The following LRRTM3 variants were observed in gnomAD, a reference collection of about 807,000 sequenced individuals.
The protein encoded by LRRTM3 is leucine-rich repeat transmembrane neuronal protein 3.
Under a neutral mutation model 44.7 loss-of-function variants are expected in LRRTM3, and 24 were observed. The ratio of observed to expected loss-of-function variants is 0.54; its 90% CI spans 0.39 to 0.76. The LOEUF (loss-of-function observed/expected upper bound fraction) is 0.76, where lower values mean the gene tolerates loss of function less well. LRRTM3 is among the 30% of genes least tolerant of loss of function. The probability of loss-of-function intolerance (pLI) is 0.00; values close to 1 mark genes in which losing one functional copy is unlikely to be tolerated. For synonymous variants in LRRTM3, 277 were observed against 278.7 expected, an observed-to-expected ratio of 0.99 and a Z score of 0.06; for missense variants, 587 against 702.2, an observed-to-expected ratio of 0.84 and a Z score of 1.85.
intron 2 of LRRTM3, among the ~76,000 whole-genome samples, chr10:66,953,392 G>T (rs1848636326): frequency 6.6e-6 from 1 of 152,152 alleles, no homozygotes; most frequent in Non-Finnish European, 1.5e-5. Context: ...AGTTGAAAAT[G>T]AATACATGAA....
rs1374432134 is a variant in LRRTM3, at chr10:67,098,450, T to C, written c.*654T>C. On this transcript the variant is annotated 3_prime_UTR_variant, in exon 3 of 3. Transcript: ENST00000361320. The stretch of plus-strand genomic sequence containing the variant: ...GAGGTTCTTCAATTACATAGGCAGG[T>C]TTTTCTTAAAAATGAAAAAAAAATC... 1 of 152,236 alleles carries C rather than the reference T, an allele frequency of 6.6e-6. No individual in the cohort carries two copies. The highest frequency in any genetic ancestry group is 2.4e-5 in the African/African-American group (1 of 41,372). The allele number at this position is 152,236 out of a possible 1,614,324, so 9.4% of individuals were successfully genotyped here.
chr10:67,072,251 A>C (rs545967401), intron 2 of LRRTM3, among the ~76,000 whole-genome samples: 1 of 152,050 alleles, frequency 6.6e-6, no homozygotes, highest in East Asian at 1.9e-4. Flanking sequence ...ACCATGCCCA[A>C]CCTGTTTGAT....
At chr10:66,981,847 C>T (rs1297974181) in intron 2 of LRRTM3, among the ~76,000 whole-genome samples, 1 of 152,180 alleles carries the variant, frequency 6.6e-6, no homozygotes, top group Admixed American at 6.5e-5. Context: ...CATCTTCCTG[C>T]TGCTGCAGTG....
Position 66,976,581 on chromosome 10 carries a change from C to T in LRRTM3, c.1536+48129C>T, listed in dbSNP as rs536526618. The stretch of plus-strand genomic sequence containing the variant: ...TCTTCCTAAAAATCTACAGTGACTT[C>T]CCTAAAGAAAAATGGTCATATTCCC... On this transcript the variant is annotated intron_variant, in intron 2 of 2. Coordinates refer to ENST00000361320, the MANE Select transcript of LRRTM3 (RefSeq NM_178011.5). 1.7e-4 allele frequency among the ~76,000 whole-genome samples: 26 copies of T among 152,284 alleles called. 1 individual carries two copies. In the South Asian group the frequency reaches 5.2e-3, roughly 30 times the overall value.
chr10:66,937,778 G>A (rs1403450502), intron 2 of LRRTM3, among the ~76,000 whole-genome samples: 1 of 152,100 alleles, frequency 6.6e-6, no homozygotes, highest in Non-Finnish European at 1.5e-5. Context: ...TCCTTTGTGA[G>A]AAATGCCCTT....
At chr10:66,937,286 T>A (rs916712949) in intron 2 of LRRTM3, among the ~76,000 whole-genome samples, 1 of 152,156 alleles carries the variant, frequency 6.6e-6, no homozygotes, top group African/African-American at 2.4e-5. Flanking sequence ...GTAGTTATCA[T>A]GGGATTGTTG....
chr10:66,935,287 C>G (rs1395268074), intron 2 of LRRTM3, among the ~76,000 whole-genome samples: 2 of 152,012 alleles, frequency 1.3e-5, no homozygotes, highest in Non-Finnish European at 2.9e-5. Flanking sequence ...AAGATTACAA[C>G]AGTGAAACCT....
chr10:66,983,690 C>A (rs1450878395), intron 2 of LRRTM3, among the ~76,000 whole-genome samples: 1 of 152,154 alleles, frequency 6.6e-6, no homozygotes, highest in East Asian at 1.9e-4. Context: ...TGGAGGGAGG[C>A]ATAGATAGTT....
At chr10:67,080,093 C>T (rs1856972904) in intron 2 of LRRTM3, among the ~76,000 whole-genome samples, 1 of 152,056 alleles carries the variant, frequency 6.6e-6, no homozygotes, top group Non-Finnish European at 1.5e-5. Flanking sequence ...GCAGGGAGGG[C>T]ATGGCAAGAA....
In LRRTM3 at chr10:67,097,711, T is replaced by A. The variant is rs1858094415; in HGVS notation, c.1661T>A (p.Met554Lys). 1 of 1,612,586 alleles carries A rather than the reference T, an allele frequency of 6.2e-7. No individual in the cohort carries two copies. The highest frequency in any genetic ancestry group is 1.7e-5 in the Admixed American group (1 of 59,824). ...GAAACGAATGCACAGGAAGATACGA[T>A]GGAAACACACCTAGAGACTGAGCTG... Reference protein sequence around the residue: ...SFETNAQEDTMETHLETELDL... With the variant: ...SFETNAQEDTKETHLETELDL... The change falls in exon 3 of 3, where the codon ATG becomes AAG. Residue 554 changes from methionine to lysine, a missense_variant. Around this residue, in one of 3 missense-constraint regions of LRRTM3, gnomAD observed 315 missense variants for 335.6 expected, o/e 0.94. Transcript: ENST00000361320.
At chr10:66,959,508 G>C (rs1329144995) in intron 2 of LRRTM3, among the ~76,000 whole-genome samples, 2 of 152,164 alleles carry the variant, frequency 1.3e-5, no homozygotes, top group Non-Finnish European at 2.9e-5. Flanking sequence ...TCAGTCCCCT[G>C]AGTTCTAAGG....
chr10:66,977,434 CAA>C (rs11368044), intron 2 of LRRTM3, among the ~76,000 whole-genome samples: 264 of 144,980 alleles, frequency 1.8e-3, no homozygotes, highest in Middle Eastern at 3.4e-3. Flanking sequence ...AACTCTGTCT[CAA>C]AAAAAAAAAA....
intron 2 of LRRTM3, among the ~76,000 whole-genome samples, chr10:67,029,457 C>T (rs1853586586): frequency 6.6e-6 from 1 of 152,138 alleles, no homozygotes; most frequent in African/African-American, 2.4e-5. Context: ...GGTTTAGTTA[C>T]TGTCTTAGGA....
intron 2 of LRRTM3, among the ~76,000 whole-genome samples, chr10:66,953,307 C>T (rs911422317): frequency 3.9e-5 from 6 of 152,034 alleles, no homozygotes; most frequent in African/African-American, 1.4e-4. Context: ...GAATGTGCAC[C>T]CACCAATAAT....
chr10:67,054,311 C>T (rs1855292303), intron 2 of LRRTM3, among the ~76,000 whole-genome samples: 1 of 152,044 alleles, frequency 6.6e-6, no homozygotes, highest in Non-Finnish European at 1.5e-5. Context: ...AATAAAAGTA[C>T]TGAAATGTAA....
In LRRTM3 at chr10:67,101,456, T is replaced by TC. The variant is rs5785817; in HGVS notation, c.*3661dup. On this transcript the variant is annotated 3_prime_UTR_variant, in exon 3 of 3. Transcript: ENST00000361320. ...TAATAGAGAACAATTTTCTCCATTT[T>TC]CTTATAAGAAAAATAAAATATAATT... 0.57 allele frequency among the ~76,000 whole-genome samples: 85,924 copies of TC among 151,274 alleles called. 26,190 individuals carry two copies. The highest frequency in any genetic ancestry group is 0.81 in the African/African-American group (33,330 of 41,348).
intron 2 of LRRTM3, among the ~76,000 whole-genome samples, chr10:67,048,301 T>A (rs1252591722): frequency 2.0e-5 from 3 of 152,070 alleles, no homozygotes; most frequent in Non-Finnish European, 4.4e-5. Context: ...TAAACGTATT[T>A]AAAAGCCAGT....
In LRRTM3 at chr10:66,928,315, C is replaced by T. The variant is rs1847189570; in HGVS notation, c.1399C>T (p.Gln467Ter). ...GCGAAGGCACAGGAAAAAGAAAAGACAGTCCCTAAAGCAAATGACTCCCAG... is the reference window on the plus strand; with the variant it reads ...GCGAAGGCACAGGAAAAAGAAAAGATAGTCCCTAAAGCAAATGACTCCCAG... Reference protein sequence around the residue: ...LMRRHRKKKRQSLKQMTPSTQ... With the variant: ...LMRRHRKKKR Residue 467 changes from glutamine (Q) to a stop codon, truncating the protein, a stop_gained, in exon 2 of 3, where the codon CAG becomes TAG. Transcript: ENST00000361320. LOFTEE classifies it high-confidence loss of function. 6.2e-7 allele frequency: 1 copy of T among 1,614,060 alleles called. No homozygotes were observed. Among genetic ancestry groups the T allele is most frequent in the African/African-American group, 1.3e-5 (1 of 74,936 alleles).
intron 2 of LRRTM3, among the ~76,000 whole-genome samples, chr10:67,067,051 AC>A (rs1856135502): frequency 6.6e-6 from 1 of 152,184 alleles, no homozygotes; most frequent in Non-Finnish European, 1.5e-5. Context: ...AGTGGCAACC[AC>A]TTCTGAATGA....
Sources: allele counts gnomAD v4.1 joint callset (sites outside exome capture counted in the v4.1 genomes callset), GRCh38; gene constraint gnomAD v4.1.1; regional missense constraint gnomAD v4.1.1; transcripts MANE v1.5; gene names NCBI Gene and HGNC (gene_info 2026-07-23, HGNC 2026-07-21).